NELFB: variants seen among roughly 807,000 people sequenced by gnomAD.
The protein encoded by NELFB is negative elongation factor B.
A neutral mutation model predicts 60.2 loss-of-function variants in NELFB; 34 were observed. The ratio of observed to expected loss-of-function variants is 0.56; its 90% CI spans 0.43 to 0.75. NELFB has a LOEUF of 0.75. NELFB is among the 30% of genes least tolerant of loss of function. NELFB has a pLI of 0.00. For missense variants in NELFB, 770 were observed against 831.6 expected, an observed-to-expected ratio of 0.93 and a Z score of 0.91; for synonymous variants, 459 against 382.1, an observed-to-expected ratio of 1.20 and a Z score of -2.35.
At chr9:137,257,604 G>A (rs996024905) in intron 4 of NELFB, among the ~76,000 whole-genome samples, 2 of 150,560 alleles carry the variant, frequency 1.3e-5, no homozygotes, top group Non-Finnish European at 3.0e-5. Context: ...CCAGGTTCAA[G>A]CAATTCTCCT....
chr9:137,270,091 G>A (rs1325016474), intron 10 of NELFB, among the ~76,000 whole-genome samples: 3 of 152,074 alleles, frequency 2.0e-5, no homozygotes, highest in East Asian at 1.9e-4. Context: ...GCGTGTGGCC[G>A]CCTGTCCCTC....
At chr9:137,263,344 G>GCCCTCCCT in intron 5 of NELFB, 122 bp downstream of exon 5, 1 of 743,234 alleles carries the variant, frequency 1.3e-6, no homozygotes, top group East Asian at 3.3e-5. Context: ...AGGTAGCGCT[G>GCCCTCCCT]CCCTCCCTCC....
chr9:137,272,973 G>C lies in NELFB; in HGVS notation c.*45G>C. 2 of 1,464,344 alleles carry C rather than the reference G, an allele frequency of 1.4e-6. No homozygotes were observed. The highest frequency in any genetic ancestry group is 1.8e-6 in the Non-Finnish European group (2 of 1,104,232). The allele number at this position is 1,464,344 out of a possible 1,614,324, so 90.7% of individuals were successfully genotyped here. On this transcript the variant is annotated 3_prime_UTR_variant, in exon 13 of 13. Transcript: ENST00000343053. ...GGGTGCTGGGGCCATGCCGAGTCGC[G>C]GCCCTGCTCAGCCGGAAGAGGCTCC...
chr9:137,272,913 C>A lies in NELFB; in HGVS notation c.1872C>A (p.Ala624=). ...AGCTGCCCCTCCCCAGCGTGCCCGC[C>A]CCTGCCCCGCTCTGAGGGCCCTCCA... is the stretch of plus-strand genomic sequence containing the variant. The change falls in exon 13 of 13, where the codon GCC becomes GCA. Residue 624 remains alanine (A), a synonymous_variant. Transcript: ENST00000343053. The A allele has an allele frequency of 2.0e-6, 3 of 1,537,170 alleles. No homozygotes were observed. In the South Asian group the frequency reaches 3.6e-5, roughly 19 times the overall value.
At chr9:137,255,761 T>G (rs941248090) in intron 1 of NELFB, 146 bp from the exon 2 acceptor site, 8 of 1,471,866 alleles carry the variant, frequency 5.4e-6, no homozygotes, top group Non-Finnish European at 7.4e-6. Context: ...CAGCACCCCT[T>G]TGCTGGACGG....
At chr9:137,257,121 G>A (rs1466581704) in intron 4 of NELFB, 67 bp downstream of exon 4, 2 of 1,389,752 alleles carry the variant, frequency 1.4e-6, no homozygotes, top group Non-Finnish European at 2.0e-6. Flanking sequence ...GCCTTCAGCT[G>A]CCTGGGGATC....
chr9:137,263,986 AC>A (rs1285240854), intron 5 of NELFB, among the ~76,000 whole-genome samples: 1 of 151,934 alleles, frequency 6.6e-6, no homozygotes, highest in East Asian at 1.9e-4. Context: ...TGCAGTGGCC[AC>A]CCCCACACTC....
Position 137,272,612 on chromosome 9 carries a change from C to A in NELFB, c.1737C>A (p.Gly579=). 1 of 1,594,096 alleles carries A rather than the reference C, an allele frequency of 6.3e-7. No individual in the cohort carries two copies. The highest frequency in any genetic ancestry group is 8.5e-7 in the Non-Finnish European group (1 of 1,170,920). The stretch of plus-strand genomic sequence containing the variant: ...TGCAGAAGGCCCTGGAGCCTACAGG[C>A]CAGGTGGGTGCCCGGGGGGGCTGCA... Residue 579 remains glycine (G), a synonymous_variant, in exon 12 of 13, where the codon GGC becomes GGA. Transcript: ENST00000343053.
chr9:137,265,869 C>G lies in NELFB; in HGVS notation c.1041-8C>G. On this transcript the variant is annotated splice_polypyrimidine_tract_variant and splice_region_variant and intron_variant, in intron 6 of 12. Coordinates refer to ENST00000343053, the MANE Select transcript of NELFB (RefSeq NM_015456.5). Reference sequence around the variant, plus strand: ...CGTCGCATTAATGCCAGGGCGGCCTCCTTCCAGGGACCTGTCCATGATCCT... The same window carrying G: ...CGTCGCATTAATGCCAGGGCGGCCTGCTTCCAGGGACCTGTCCATGATCCT... 6.2e-7 allele frequency: 1 copy of G among 1,606,722 alleles called. No homozygotes were observed. The highest frequency in any genetic ancestry group is 8.5e-7 in the Non-Finnish European group (1 of 1,174,084).
intron 4 of NELFB, among the ~76,000 whole-genome samples, chr9:137,258,197 C>T (rs1040572160): frequency 7.0e-6 from 1 of 143,622 alleles, no homozygotes; most frequent in Non-Finnish European, 1.5e-5. Flanking sequence ...GATCGTGGCT[C>T]ACTGCAGCCT....
At chr9:137,260,016 C>T (rs1830412689) in intron 4 of NELFB, among the ~76,000 whole-genome samples, 1 of 151,546 alleles carries the variant, frequency 6.6e-6, no homozygotes, top group Admixed American at 6.6e-5. Flanking sequence ...GGGCGTGAGC[C>T]ACCGTGCCTG....
At chr9:137,257,076 G>T in intron 4 of NELFB, 22 bp downstream of exon 4, 1 of 1,597,712 alleles carries the variant, frequency 6.3e-7, no homozygotes, top group South Asian at 1.1e-5. Context: ...GGCCGTGTGC[G>T]GGGTGGGGCA....
intron 4 of NELFB, among the ~76,000 whole-genome samples, chr9:137,261,254 G>C (rs1334023399): frequency 6.6e-6 from 1 of 151,134 alleles, no homozygotes; most frequent in African/African-American, 2.4e-5. Flanking sequence ...GCAGGAGAAT[G>C]GTGTGAACCT....
At chr9:137,266,265 G>T in intron 7 of NELFB, 66 bp from the exon 8 acceptor site, 1 of 1,412,420 alleles carries the variant, frequency 7.1e-7, no homozygotes, top group Non-Finnish European at 9.8e-7. Context: ...AACGAGTAGG[G>T]TCAGAGGAGC....
In NELFB at chr9:137,255,330, T is replaced by G. The variant is rs1350504955; in HGVS notation, c.-36T>G. 4.2e-5 allele frequency: 14 copies of G among 335,694 alleles called. No homozygotes were observed. The Admixed American group carries it at 7.2e-4, about 17-fold the overall frequency. 20.8% of individuals were successfully genotyped at this position (335,694 alleles called of 1,614,324 possible). Reference sequence around the variant, plus strand: ...GCGGTGCGGGGCGGAAGTGGGCGGCTGCGGGACGCGCGCGGAGTCGCGCGG... The same window carrying G: ...GCGGTGCGGGGCGGAAGTGGGCGGCGGCGGGACGCGCGCGGAGTCGCGCGG... On this transcript the variant is annotated 5_prime_UTR_variant, in exon 1 of 13. Coordinates refer to ENST00000343053, the MANE Select transcript of NELFB (RefSeq NM_015456.5).
intron 10 of NELFB, among the ~76,000 whole-genome samples, chr9:137,271,846 T>G (rs1330735377): frequency 3.9e-5 from 1 of 25,812 alleles, no homozygotes; most frequent in Non-Finnish European, 7.2e-5. Context: ...CCCTCCACCC[T>G]CCTGTCCCTG....
In NELFB at chr9:137,272,785, G is replaced by A. The variant is rs913634644; in HGVS notation, c.1744G>A (p.Gly582Arg). 5.8e-6 allele frequency: 9 copies of A among 1,547,006 alleles called. No individual in the cohort carries two copies. The highest frequency in any genetic ancestry group is 1.2e-5 in the South Asian group (1 of 83,628). ...CCCATGGTGTGGTTCCCCGCAGAGC[G>A]GAGAGGCAGTGAAGGAGCTTTACTC... The change falls in exon 13 of 13, where the codon GGA becomes AGA. Residue 582 changes from glycine to arginine, a missense_variant. Physicochemically the swap from Gly to Arg is moderately radical, Grantham distance 125 (BLOSUM62 -2). Transcript: ENST00000343053.
Position 137,272,585 on chromosome 9 carries a change from G to A in NELFB, c.1710G>A (p.Ala570=), listed in dbSNP as rs371675250. Reference sequence around the variant, plus strand: ...GGGTGGCCCCGTCTAAGCTGGAGGCGTTGCAGAAGGCCCTGGAGCCTACAG... The same window carrying A: ...GGGTGGCCCCGTCTAAGCTGGAGGCATTGCAGAAGGCCCTGGAGCCTACAG... Residue 570 remains alanine, a synonymous_variant, in exon 12 of 13, where the codon GCG becomes GCA. Transcript: ENST00000343053. 8.6e-5 allele frequency: 139 copies of A among 1,607,484 alleles called. No individual in the cohort carries two copies. The highest frequency in any genetic ancestry group is 2.9e-4 in the African/African-American group (22 of 74,824).
At chr9:137,260,782 C>A (rs541531803) in intron 4 of NELFB, among the ~76,000 whole-genome samples, 3 of 147,654 alleles carry the variant, frequency 2.0e-5, no homozygotes, top group African/African-American at 7.4e-5. Context: ...TAAATTAGGC[C>A]GGGTGCGGTG....
Sources: gnomAD v4.1 joint callset for allele counts (sites outside exome capture counted in the v4.1 genomes callset) on GRCh38, gnomAD v4.1.1 for gene constraint, MANE v1.5 for transcripts, NCBI Gene and HGNC (gene_info 2026-07-23, HGNC 2026-07-21) for gene names.